ENTREP2: variants seen among roughly 807,000 people sequenced by gnomAD.
ENTREP2 encodes the protein protein ENTREP2.
the ENTREP2 span, among the ~76,000 whole-genome samples, chr15:29,158,376 T>C: frequency 6.6e-6 from 1 of 151,654 alleles, no homozygotes; most frequent in Non-Finnish European, 1.5e-5. Context: ...TTCAGAATTC[T>C]TTTTTGGCTT....
the ENTREP2 span, among the ~76,000 whole-genome samples, chr15:29,478,245 T>G: frequency 1.3e-5 from 2 of 151,862 alleles, no homozygotes; most frequent in Middle Eastern, 3.4e-3. Flanking sequence ...GCCAGAATGG[T>G]CTCGATCTCC....
the ENTREP2 span, among the ~76,000 whole-genome samples, chr15:29,351,193 C>T: frequency 6.6e-6 from 1 of 152,142 alleles, no homozygotes; most frequent in East Asian, 1.9e-4. Flanking sequence ...GGGCTACAAA[C>T]CTGCACAGCA....
At chr15:29,304,432 A>T in the ENTREP2 span, among the ~76,000 whole-genome samples, 2 of 152,214 alleles carry the variant, frequency 1.3e-5, no homozygotes, top group Non-Finnish European at 2.9e-5. Flanking sequence ...CTGAAATCAT[A>T]GCCACCACAC....
chr15:29,580,202 CT>C, the ENTREP2 span, among the ~76,000 whole-genome samples: 1 of 152,058 alleles, frequency 6.6e-6, no homozygotes, highest in African/African-American at 2.4e-5. Context: ...CTGAGAATGA[CT>C]TTCTTCATCA....
At chr15:29,655,273 C>A in the ENTREP2 span, among the ~76,000 whole-genome samples, 66 of 152,218 alleles carry the variant, frequency 4.3e-4, no homozygotes, top group African/African-American at 1.4e-3. Flanking sequence ...GTAGCACAAC[C>A]CTAATCTATG....
At chr15:29,595,639 A>C in the ENTREP2 span, among the ~76,000 whole-genome samples, 1 of 152,116 alleles carries the variant, frequency 6.6e-6, no homozygotes, top group Non-Finnish European at 1.5e-5. Context: ...ACACAGATTG[A>C]AGTTCTTCTG....
chr15:29,489,757 T>G, the ENTREP2 span, among the ~76,000 whole-genome samples: 4 of 152,174 alleles, frequency 2.6e-5, no homozygotes, highest in Non-Finnish European at 4.4e-5. Flanking sequence ...CGCCCCTGCC[T>G]GATGCCGTCC....
chr15:29,294,523 G>A, the ENTREP2 span, among the ~76,000 whole-genome samples: 1 of 152,184 alleles, frequency 6.6e-6, no homozygotes, highest in Non-Finnish European at 1.5e-5. Flanking sequence ...ACAGGACCAA[G>A]TCCACTGTCC....
the ENTREP2 span, among the ~76,000 whole-genome samples, chr15:29,496,629 T>C: frequency 3.9e-5 from 6 of 152,132 alleles, no homozygotes; most frequent in Admixed American, 1.3e-4. Context: ...TCATAAAAGA[T>C]TGTTGAATTT....
the ENTREP2 span, among the ~76,000 whole-genome samples, chr15:29,638,232 G>T: frequency 6.6e-6 from 1 of 152,228 alleles, no homozygotes; most frequent in African/African-American, 2.4e-5. Context: ...CTGCTGCAGG[G>T]CCAGCTCTTC....
At chr15:29,218,290 G>A in the ENTREP2 span, among the ~76,000 whole-genome samples, 1 of 152,144 alleles carries the variant, frequency 6.6e-6, no homozygotes, top group Non-Finnish European at 1.5e-5. Flanking sequence ...GGAACCTACG[G>A]TGGGCAGGGC....
At chr15:29,531,932 C>T in the ENTREP2 span, among the ~76,000 whole-genome samples, 1 of 152,218 alleles carries the variant, frequency 6.6e-6, no homozygotes, top group Non-Finnish European at 1.5e-5. Context: ...TCCCAAAGGG[C>T]TAGGATTACA....
the ENTREP2 span, among the ~76,000 whole-genome samples, chr15:29,596,724 G>A: frequency 1.3e-5 from 2 of 152,072 alleles, no homozygotes; most frequent in Non-Finnish European, 2.9e-5. Context: ...CTGGAGTGCA[G>A]TGGTATGATC....
the ENTREP2 span, among the ~76,000 whole-genome samples, chr15:29,191,257 C>T: frequency 6.6e-6 from 1 of 152,038 alleles, no homozygotes; most frequent in Non-Finnish European, 1.5e-5. Flanking sequence ...GAAGGAAGTA[C>T]AAAATCTTAA....
the ENTREP2 span, among the ~76,000 whole-genome samples, chr15:29,308,248 C>T: frequency 3.3e-5 from 5 of 152,208 alleles, no homozygotes; most frequent in East Asian, 1.9e-4. Context: ...TGGTGGCTCA[C>T]GCCTGTAATC....
the ENTREP2 span, among the ~76,000 whole-genome samples, chr15:29,142,080 T>C: frequency 1.3e-5 from 2 of 152,190 alleles, no homozygotes; most frequent in African/African-American, 2.4e-5. Context: ...CCAAGTCAAG[T>C]CCAGGCAAGG....
the ENTREP2 span, among the ~76,000 whole-genome samples, chr15:29,579,258 G>A: frequency 1.3e-5 from 2 of 152,188 alleles, no homozygotes; most frequent in Admixed American, 1.3e-4. Flanking sequence ...ATGGAAAGTT[G>A]CTTAGAGAAA....
chr15:29,131,145 G>C, the ENTREP2 span, among the ~76,000 whole-genome samples: 1 of 152,190 alleles, frequency 6.6e-6, no homozygotes, highest in African/African-American at 2.4e-5. Context: ...TCCTGGGTGA[G>C]GCCAACCATT....
the ENTREP2 span, among the ~76,000 whole-genome samples, chr15:29,404,568 A>C: frequency 4.7e-5 from 7 of 148,024 alleles, no homozygotes; most frequent in African/African-American, 7.5e-5. Context: ...TTCCTCCCCC[A>C]CTCACACTCC....
Sources: gnomAD v4.1 joint callset for allele counts (sites outside exome capture counted in the v4.1 genomes callset) on GRCh38, gnomAD v4.1.1 for gene constraint, MANE v1.5 for transcripts, NCBI Gene and HGNC (gene_info 2026-07-23, HGNC 2026-07-21) for gene names.